LINGO2: variants seen among roughly 807,000 people sequenced by gnomAD.
The protein encoded by LINGO2 is leucine rich repeat and Ig domain containing 2, also known as leucine-rich repeat and immunoglobulin-like domain-containing nogo receptor-interacting protein 2.
Under a neutral mutation model 30.6 loss-of-function variants are expected in LINGO2, and 14 were observed. That is an observed-to-expected ratio of 0.46 (90% CI 0.30 to 0.72). The LOEUF is 0.72. Among genes scored for constraint, LINGO2 ranks in the 30% least tolerant of loss-of-function variants. The pLI, the probability that LINGO2 is intolerant of heterozygous loss-of-function variation, is 0.07. For missense variants in LINGO2, 729 were observed against 751.7 expected, an observed-to-expected ratio of 0.97 and a Z score of 0.35; for synonymous variants, 317 against 288.5, an observed-to-expected ratio of 1.10 and a Z score of -1.00.
intron 2 of LINGO2, among the ~76,000 whole-genome samples, chr9:28,463,042 GT>G (rs1409669658): frequency 6.6e-6 from 1 of 151,926 alleles, no homozygotes; most frequent in Non-Finnish European, 1.5e-5. Flanking sequence ...TTAGTTTCTG[GT>G]TTACAAAAGA....
chr9:28,890,462 G>A, the LINGO2 span, among the ~76,000 whole-genome samples: 1 of 152,094 alleles, frequency 6.6e-6, no homozygotes, highest in Non-Finnish European at 1.5e-5. Context: ...GGTGGAAGAA[G>A]AATGCCACAA....
intron 1 of LINGO2, among the ~76,000 whole-genome samples, chr9:28,632,880 G>GAGAGAGA (rs1563879250): frequency 3.6e-4 from 23 of 64,590 alleles, no homozygotes; most frequent in African/African-American, 1.5e-3. Flanking sequence ...ATATATATAT[G>GAGAGAGA]TAGAGAGAGA....
chr9:28,191,767 C>T (rs1819830993), intron 4 of LINGO2, among the ~76,000 whole-genome samples: 1 of 152,098 alleles, frequency 6.6e-6, no homozygotes, highest in Non-Finnish European at 1.5e-5. Flanking sequence ...TTTAACCTCT[C>T]CTTCTTTCTT....
chr9:28,645,096 A>C (rs1827776113), intron 1 of LINGO2, among the ~76,000 whole-genome samples: 1 of 152,230 alleles, frequency 6.6e-6, no homozygotes, highest in South Asian at 2.1e-4. Context: ...AAAATACCAC[A>C]GCTATATTCT....
chr9:28,645,293 C>A (rs1408354340), intron 1 of LINGO2, among the ~76,000 whole-genome samples: 1 of 152,032 alleles, frequency 6.6e-6, no homozygotes, highest in East Asian at 1.9e-4. Context: ...AGCTGTCAAC[C>A]TTCATGGACT....
chr9:28,532,879 T>G (rs1022173870), intron 1 of LINGO2, among the ~76,000 whole-genome samples: 1 of 152,102 alleles, frequency 6.6e-6, no homozygotes, highest in Non-Finnish European at 1.5e-5. Flanking sequence ...CTGCCTCTTA[T>G]AGACCGAATC....
At chr9:28,737,900 G>C in the LINGO2 span, among the ~76,000 whole-genome samples, 1 of 152,106 alleles carries the variant, frequency 6.6e-6, no homozygotes, top group East Asian at 1.9e-4. Context: ...TCCTCGAGGG[G>C]AAGTTTTTAT....
chr9:28,830,097 C>T, the LINGO2 span, among the ~76,000 whole-genome samples: 5 of 152,202 alleles, frequency 3.3e-5, no homozygotes, highest in East Asian at 9.7e-4. Flanking sequence ...ACGATAAAAG[C>T]AGAGTGCTAC....
At chr9:28,802,891 A>G in the LINGO2 span, among the ~76,000 whole-genome samples, 2 of 152,064 alleles carry the variant, frequency 1.3e-5, no homozygotes, top group African/African-American at 4.8e-5. Context: ...GAGGAAAATA[A>G]GCACTTCAGG....
intron 4 of LINGO2, among the ~76,000 whole-genome samples, chr9:28,215,016 A>T (rs1820715894): frequency 6.6e-6 from 1 of 151,696 alleles, no homozygotes. Context: ...TTTAAAAGTG[A>T]AGAGATCCTC....
intron 2 of LINGO2, among the ~76,000 whole-genome samples, chr9:28,420,361 G>T (rs1047551120): frequency 6.6e-6 from 1 of 151,980 alleles, no homozygotes; most frequent in African/African-American, 2.4e-5. Context: ...AGTGAATAGA[G>T]GAACATTCCT....
chr9:28,469,056 A>G (rs1664345362), intron 2 of LINGO2, among the ~76,000 whole-genome samples: 1 of 152,168 alleles, frequency 6.6e-6, no homozygotes, highest in African/African-American at 2.4e-5. Flanking sequence ...GAGAAAATTC[A>G]AGGAAGTAGA....
the LINGO2 span, among the ~76,000 whole-genome samples, chr9:28,780,421 T>C: frequency 6.6e-6 from 1 of 152,146 alleles, no homozygotes; most frequent in South Asian, 2.1e-4. Flanking sequence ...TTTGAGTCTA[T>C]GTTAGAAATA....
chr9:28,207,266 C>A (rs990270575), intron 4 of LINGO2, among the ~76,000 whole-genome samples: 2 of 152,010 alleles, frequency 1.3e-5, no homozygotes, highest in African/African-American at 2.4e-5. Flanking sequence ...TCCAATTTCC[C>A]ACTGTAAACA....
chr9:28,526,323 A>G (rs973095773), intron 1 of LINGO2, among the ~76,000 whole-genome samples: 50 of 152,156 alleles, frequency 3.3e-4, no homozygotes, highest in African/African-American at 1.2e-3. Context: ...CAGATAGAAA[A>G]GCAGGTTTGC....
intron 1 of LINGO2, among the ~76,000 whole-genome samples, chr9:28,536,858 T>C (rs988325182): frequency 6.6e-6 from 1 of 152,106 alleles, no homozygotes; most frequent in Non-Finnish European, 1.5e-5. Context: ...GTCTCTGTTA[T>C]GGTTTGACTT....
At chr9:29,199,728 A>C in the LINGO2 span, among the ~76,000 whole-genome samples, 1 of 152,204 alleles carries the variant, frequency 6.6e-6, no homozygotes, top group African/African-American at 2.4e-5. Flanking sequence ...GTAATTGCTG[A>C]ACATTTTATT....
At chr9:28,264,967 A>C (rs1185738353) in intron 4 of LINGO2, among the ~76,000 whole-genome samples, 1 of 151,904 alleles carries the variant, frequency 6.6e-6, no homozygotes, top group Non-Finnish European at 1.5e-5. Context: ...ATTCTGCCTC[A>C]AGGCTGCAGC....
the LINGO2 span, among the ~76,000 whole-genome samples, chr9:29,066,335 T>C: frequency 2.0e-5 from 3 of 151,924 alleles, no homozygotes; most frequent in Non-Finnish European, 4.4e-5. Context: ...AAACATGCTG[T>C]CAGCATGTGC....
Sources: allele counts gnomAD v4.1 joint callset (sites outside exome capture counted in the v4.1 genomes callset), GRCh38; gene constraint gnomAD v4.1.1; transcripts MANE v1.5; gene names NCBI Gene and HGNC (gene_info 2026-07-23, HGNC 2026-07-21).